The following SPAG16 variants were observed in gnomAD, a reference collection of about 807,000 sequenced individuals.
SPAG16 encodes the protein sperm-associated antigen 16 protein.
A neutral mutation model predicts 80.4 loss-of-function variants in SPAG16; 86 were observed. The ratio of observed to expected loss-of-function variants is 1.07; its 90% CI spans 0.90 to 1.28. The LOEUF (loss-of-function observed/expected upper bound fraction) is 1.28, where lower values mean the gene tolerates loss of function less well. Ranked by LOEUF, SPAG16 falls within the 50% of genes most tolerant of loss-of-function variation. SPAG16 has a pLI of 0.00. For synonymous variants in SPAG16, 294 were observed against 265.9 expected (o/e 1.11, Z -1.03); for missense variants, 870 against 765.3 (o/e 1.14, Z -1.61).
intron 12 of SPAG16, among the ~76,000 whole-genome samples, chr2:213,987,977 G>A (rs1183281935): frequency 6.6e-6 from 1 of 151,140 alleles, no homozygotes; most frequent in Non-Finnish European, 1.5e-5. Flanking sequence ...AGGAGATAAT[G>A]TATTTTAAAT....
At chr2:214,374,027 G>A (rs894900446) in intron 15 of SPAG16, among the ~76,000 whole-genome samples, 1 of 152,186 alleles carries the variant, frequency 6.6e-6, no homozygotes, top group African/African-American at 2.4e-5. Flanking sequence ...TTAGAATATA[G>A]TAGGATCTAA....
At chr2:213,348,636 A>C (rs2065142798) in intron 6 of SPAG16, among the ~76,000 whole-genome samples, 1 of 152,074 alleles carries the variant, frequency 6.6e-6, no homozygotes, top group Non-Finnish European at 1.5e-5. Flanking sequence ...TTCACTTATG[A>C]AGGTTAGTTT....
intron 3 of SPAG16, among the ~76,000 whole-genome samples, chr2:213,298,617 T>C (rs1370502957): frequency 6.6e-6 from 1 of 152,218 alleles, no homozygotes; most frequent in Non-Finnish European, 1.5e-5. Flanking sequence ...CTGTAATTGC[T>C]TCCTTCTGCT....
chr2:213,902,363 T>C (rs561227666), intron 11 of SPAG16, among the ~76,000 whole-genome samples: 2 of 152,318 alleles, frequency 1.3e-5, no homozygotes, highest in South Asian at 2.1e-4. Flanking sequence ...AGAGGTTTAA[T>C]TGGACTTACA....
intron 9 of SPAG16, among the ~76,000 whole-genome samples, chr2:213,461,143 A>G (rs970397528): frequency 6.6e-6 from 1 of 152,158 alleles, no homozygotes; most frequent in Non-Finnish European, 1.5e-5. Context: ...GAGAAAAATG[A>G]ATAATATGCC....
chr2:213,956,272 A>G (rs1559627603), intron 12 of SPAG16, among the ~76,000 whole-genome samples: 4 of 151,404 alleles, frequency 2.6e-5, no homozygotes, highest in African/African-American at 9.7e-5. Context: ...GATTTTTTAA[A>G]TTGTTTTTCT....
chr2:214,243,272 C>T (rs919463268), intron 15 of SPAG16, among the ~76,000 whole-genome samples: 16 of 152,082 alleles, frequency 1.1e-4, no homozygotes, highest in Non-Finnish European at 1.5e-5. Flanking sequence ...TAAGAACTTA[C>T]CATCTTTTCA....
chr2:213,860,480 T>TAG (rs762552311), intron 10 of SPAG16, among the ~76,000 whole-genome samples: 32,310 of 136,392 alleles, frequency 0.24, 4,731 homozygotes, highest in East Asian at 0.37. Context: ...TATCTATATA[T>TAG]ATATATACAC....
At chr2:213,675,967 T>G (rs1231447410) in intron 10 of SPAG16, among the ~76,000 whole-genome samples, 1 of 152,186 alleles carries the variant, frequency 6.6e-6, no homozygotes, top group Non-Finnish European at 1.5e-5. Flanking sequence ...ATCTATAAAT[T>G]ACCTTGGGTA....
chr2:213,926,721 T>C (rs1186943579), intron 11 of SPAG16, among the ~76,000 whole-genome samples: 1 of 152,232 alleles, frequency 6.6e-6, no homozygotes, highest in Non-Finnish European at 1.5e-5. Flanking sequence ...ATAGTTATAT[T>C]TTGTACCCTT....
intron 11 of SPAG16, among the ~76,000 whole-genome samples, chr2:213,865,216 A>C (rs1416006586): frequency 6.6e-6 from 1 of 152,074 alleles, no homozygotes; most frequent in Non-Finnish European, 1.5e-5. Context: ...TCAAAAAGGC[A>C]TAAATTCTTT....
chr2:213,804,691 AACTAACTAACTAACTAAC>A (rs2071645757), intron 10 of SPAG16, among the ~76,000 whole-genome samples: 5 of 98,314 alleles, frequency 5.1e-5, no homozygotes, highest in Admixed American at 2.9e-4. Context: ...TCAACTAACT[AACTAACTAACTAACTAAC>A]TAACTAACTA....
intron 9 of SPAG16, among the ~76,000 whole-genome samples, chr2:213,488,138 A>G (rs1359265825): frequency 1.3e-5 from 2 of 152,070 alleles, no homozygotes; most frequent in Non-Finnish European, 2.9e-5. Flanking sequence ...TTGTTTAGTG[A>G]TATATTAAAA....
At chr2:213,916,621 A>G (rs2077983837) in intron 11 of SPAG16, among the ~76,000 whole-genome samples, 1 of 152,152 alleles carries the variant, frequency 6.6e-6, no homozygotes, top group South Asian at 2.1e-4. Context: ...TGAGAACAGC[A>G]CAAGAAAAAC....
intron 13 of SPAG16, among the ~76,000 whole-genome samples, chr2:214,039,154 C>T (rs2048870514): frequency 1.3e-5 from 2 of 152,144 alleles, no homozygotes; most frequent in South Asian, 4.1e-4. Context: ...TTTACAGTCC[C>T]ACCAACAGTG....
intron 11 of SPAG16, among the ~76,000 whole-genome samples, chr2:213,896,400 A>C (rs2076990527): frequency 6.6e-6 from 1 of 151,952 alleles, no homozygotes; most frequent in African/African-American, 2.4e-5. Flanking sequence ...ATACCTAAAA[A>C]AAAATAGAAC....
rs746367596 is a variant in SPAG16 at position 213,929,996 on chromosome 2, A to G, written c.1251A>G (p.Thr417=). ...TGGCTACTTCAAGTGGTGACACTAC[A>G]GTTAAATTATGGGATCTATGTAAAG... The part of the protein sequence containing the change: ...DKLATSSGDT[T]VKLWDLCKGD... The change falls in exon 12 of 16, where the codon ACA becomes ACG. Residue 417 remains threonine (T), a synonymous_variant. Transcript: ENST00000331683. 6.2e-7 allele frequency: 1 copy of G among 1,613,672 alleles called. No homozygotes were observed. The highest frequency in any genetic ancestry group is 8.5e-7 in the Non-Finnish European group (1 of 1,179,804).
intron 7 of SPAG16, among the ~76,000 whole-genome samples, chr2:213,358,765 C>T (rs950314630): frequency 6.6e-6 from 1 of 152,186 alleles, no homozygotes; most frequent in Non-Finnish European, 1.5e-5. Flanking sequence ...TTTGTCAACT[C>T]ATCAAAGTCA....
chr2:214,020,509 A>G (rs1193627441), intron 13 of SPAG16, among the ~76,000 whole-genome samples: 1 of 152,170 alleles, frequency 6.6e-6, no homozygotes, highest in African/African-American at 2.4e-5. Flanking sequence ...ATGACTCAAT[A>G]TGCTTATATT....
Sources: gnomAD v4.1 joint callset for allele counts (sites outside exome capture counted in the v4.1 genomes callset) on GRCh38, gnomAD v4.1.1 for gene constraint, MANE v1.5 for transcripts, NCBI Gene and HGNC (gene_info 2026-07-23, HGNC 2026-07-21) for gene names.